Variants in GALNT13 observed in about 807,000 individuals in gnomAD.
GALNT13 encodes the protein polypeptide N-acetylgalactosaminyltransferase 13.
Under a neutral mutation model 64.2 loss-of-function variants are expected in GALNT13, and 28 were observed. The observed-to-expected ratio is 0.44, with a 90% CI of 0.32 to 0.60. The LOEUF is 0.60. Among genes scored for constraint, GALNT13 ranks in the 20% least tolerant of loss-of-function variants. The pLI is 0.05. For missense variants in GALNT13, 577 were observed against 669.8 expected (o/e 0.86, Z 1.53); for synonymous variants, 214 against 224.6 (o/e 0.95, Z 0.42).
At chr2:153,432,543 G>A in the GALNT13 span, among the ~76,000 whole-genome samples, 6 of 152,106 alleles carry the variant, frequency 3.9e-5, no homozygotes, top group Non-Finnish European at 5.9e-5. Flanking sequence ...CCTACAAGTT[G>A]ACAAGTGATT....
At chr2:153,360,517 ACTTTTCCCCTGCTGGAGCCAGGGAGG>A in the GALNT13 span, among the ~76,000 whole-genome samples, 1 of 152,304 alleles carries the variant, frequency 6.6e-6, no homozygotes, top group East Asian at 1.9e-4. Flanking sequence ...TCTGGGCTGC[ACTTTTCCCCTGCTGGAGCCAGGGAGG>A]CTGGACAGCT....
the GALNT13 span, among the ~76,000 whole-genome samples, chr2:153,624,120 A>C: frequency 6.6e-6 from 1 of 151,966 alleles, no homozygotes; most frequent in South Asian, 2.1e-4. Flanking sequence ...TTTATTCCAG[A>C]CTCTTTGTTG....
chr2:154,057,596 T>C (rs1699959752), intron 3 of GALNT13, among the ~76,000 whole-genome samples: 1 of 152,078 alleles, frequency 6.6e-6, no homozygotes. Flanking sequence ...TTAAATGCAA[T>C]AGCGGAACAA....
At chr2:153,790,098 C>T in the GALNT13 span, among the ~76,000 whole-genome samples, 18 of 152,202 alleles carry the variant, frequency 1.2e-4, 1 homozygote, top group Admixed American at 2.6e-4. Flanking sequence ...CCAGCATCAC[C>T]GTGATACCAA....
the GALNT13 span, among the ~76,000 whole-genome samples, chr2:153,665,807 A>G: frequency 2.0e-5 from 3 of 152,020 alleles, no homozygotes; most frequent in Non-Finnish European, 4.4e-5. Context: ...GAGATCCCAC[A>G]ACCTCCATGG....
intron 3 of GALNT13, among the ~76,000 whole-genome samples, chr2:154,017,857 A>C (rs1328817357): frequency 6.6e-6 from 1 of 152,194 alleles, no homozygotes; most frequent in Non-Finnish European, 1.5e-5. Context: ...CCACCTTCTA[A>C]AGATCTGAAA....
the GALNT13 span, among the ~76,000 whole-genome samples, chr2:153,494,220 G>A: frequency 3.3e-5 from 5 of 151,990 alleles, no homozygotes; most frequent in East Asian, 9.7e-4. Context: ...TCCCAATTGT[G>A]TGTATGTATT....
intron 1 of GALNT13, among the ~76,000 whole-genome samples, chr2:153,885,816 A>G (rs895343424): frequency 1.3e-5 from 2 of 152,104 alleles, no homozygotes; most frequent in African/African-American, 4.8e-5. Context: ...AGCTGATCAA[A>G]ATAATTGCTG....
the GALNT13 span, among the ~76,000 whole-genome samples, chr2:153,622,320 A>G: frequency 2.6e-5 from 4 of 152,172 alleles, no homozygotes; most frequent in Admixed American, 2.6e-4. Context: ...AGTGATATTG[A>G]CGGGAAATTA....
At chr2:154,435,947 A>C (rs1314004882) in intron 11 of GALNT13, 1 of 152,186 alleles carries the variant, frequency 6.6e-6, no homozygotes, top group African/African-American at 2.4e-5. Context: ...CAAACCTAAT[A>C]ATTTCCAGAT....
intron 11 of GALNT13, among the ~76,000 whole-genome samples, chr2:154,433,412 G>A (rs1366278068): frequency 6.6e-6 from 1 of 152,086 alleles, no homozygotes; most frequent in Non-Finnish European, 1.5e-5. Flanking sequence ...ATCTCTGGCA[G>A]GCCAGAGAAC....
rs182367150 is a variant in GALNT13, at chr2:154,202,148, A to G, written c.312-39882A>G. ...CAGGGGAGAAAAATAACTATATTAT[A>G]GAAGAATAATGCAGACATATGTAAG... On this transcript the variant is annotated intron_variant, in intron 4 of 12. Coordinates refer to ENST00000392825, the MANE Select transcript of GALNT13 (RefSeq NM_052917.4). 8.5e-5 allele frequency among the ~76,000 whole-genome samples: 13 copies of G among 152,266 alleles called. No homozygotes were observed. In the East Asian group the frequency reaches 2.5e-3, roughly 29 times the overall value.
chr2:153,478,597 G>A, the GALNT13 span: 9 of 1,490,740 alleles, frequency 6.0e-6, no homozygotes, highest in East Asian at 9.5e-5. Flanking sequence ...CGAGCGGCGC[G>A]GGTCCGAGGG....
At chr2:153,135,765 G>A in the GALNT13 span, among the ~76,000 whole-genome samples, 1 of 151,968 alleles carries the variant, frequency 6.6e-6, no homozygotes, top group East Asian at 1.9e-4. Flanking sequence ...GGATTAGGGG[G>A]CACTTATTAG....
At chr2:153,911,540 T>C (rs976210508) in intron 2 of GALNT13, among the ~76,000 whole-genome samples, 1 of 152,230 alleles carries the variant, frequency 6.6e-6, no homozygotes, top group African/African-American at 2.4e-5. Flanking sequence ...CTGTAGCGGC[T>C]GGTAACAGTC....
chr2:153,561,176 A>AT, the GALNT13 span, among the ~76,000 whole-genome samples: 73,459 of 150,324 alleles, frequency 0.49, 18,475 homozygotes, highest in African/African-American at 0.62. Flanking sequence ...ACTTTTATTG[A>AT]TTTTTTTTTG....
the GALNT13 span, among the ~76,000 whole-genome samples, chr2:153,752,137 C>T: frequency 6.6e-6 from 1 of 151,756 alleles, no homozygotes; most frequent in Non-Finnish European, 1.5e-5. Context: ...TTAACTTCAC[C>T]CTGCTTTTAA....
the GALNT13 span, among the ~76,000 whole-genome samples, chr2:153,094,833 A>G: frequency 1.3e-5 from 2 of 152,220 alleles, no homozygotes; most frequent in East Asian, 3.9e-4. Flanking sequence ...CTGCCTAGCC[A>G]TATGTAGAAA....
chr2:154,139,687 C>T (rs1364620656), intron 3 of GALNT13, among the ~76,000 whole-genome samples: 1 of 151,412 alleles, frequency 6.6e-6, no homozygotes, highest in Non-Finnish European at 1.5e-5. Flanking sequence ...CTAGAAGGGA[C>T]TTTAGTGTAG....
Sources: allele counts gnomAD v4.1 joint callset (sites outside exome capture counted in the v4.1 genomes callset), GRCh38; gene constraint gnomAD v4.1.1; transcripts MANE v1.5; gene names NCBI Gene and HGNC (gene_info 2026-07-23, HGNC 2026-07-21).